Variants in FAM110B observed in about 807,000 individuals in gnomAD.
FAM110B encodes the protein family with sequence similarity 110 member B.
Under a neutral mutation model 20.4 loss-of-function variants are expected in FAM110B, and 6 were observed. That is an observed-to-expected ratio of 0.29 (90% confidence interval 0.16 to 0.58). The LOEUF (loss-of-function observed/expected upper bound fraction) is 0.58. Ranked by LOEUF, FAM110B falls within the 20% of genes least tolerant of loss-of-function variation. FAM110B has a pLI of 0.90. For missense variants in FAM110B, 434 were observed against 498.2 expected (o/e 0.87, Z 1.23); for synonymous variants, 226 against 214.1 (o/e 1.06, Z -0.49).
At chr8:58,097,272 CA>C (rs1806656467) in intron 3 of FAM110B, among the ~76,000 whole-genome samples, 1 of 152,166 alleles carries the variant, frequency 6.6e-6, no homozygotes, top group African/African-American at 2.4e-5. Flanking sequence ...ATCTTGTCTT[CA>C]CACTTTATTT....
At chr8:58,037,522 T>G (rs1805102289) in intron 2 of FAM110B, among the ~76,000 whole-genome samples, 1 of 151,804 alleles carries the variant, frequency 6.6e-6, no homozygotes, top group Non-Finnish European at 1.5e-5. Context: ...CCTATAACCC[T>G]AGCTACTCAG....
At chr8:58,051,131 T>C (rs1328059480) in intron 2 of FAM110B, among the ~76,000 whole-genome samples, 1 of 152,142 alleles carries the variant, frequency 6.6e-6, no homozygotes. Context: ...TTTCAGCCAA[T>C]CACTCCTGGG....
chr8:58,129,488 G>A (rs1176277753), intron 3 of FAM110B, among the ~76,000 whole-genome samples: 3 of 152,172 alleles, frequency 2.0e-5, no homozygotes, highest in African/African-American at 4.8e-5. Flanking sequence ...CACCCCCTTC[G>A]GGGCCCCTGT....
At chr8:58,102,172 AT>A (rs1354199314) in intron 3 of FAM110B, among the ~76,000 whole-genome samples, 3 of 152,224 alleles carry the variant, frequency 2.0e-5, no homozygotes, top group Non-Finnish European at 4.4e-5. Flanking sequence ...CAGACTGCAA[AT>A]AACTTTGGAA....
At chr8:58,137,835 T>C (rs1383187300) in intron 3 of FAM110B, among the ~76,000 whole-genome samples, 2 of 152,232 alleles carry the variant, frequency 1.3e-5, no homozygotes, top group African/African-American at 4.8e-5. Flanking sequence ...CTGTAGCCTT[T>C]TCAGTTCGTC....
intron 3 of FAM110B, among the ~76,000 whole-genome samples, chr8:58,129,183 GA>G (rs1396339478): frequency 6.6e-6 from 1 of 152,172 alleles, no homozygotes; most frequent in Non-Finnish European, 1.5e-5. Flanking sequence ...TAGGCTAATG[GA>G]AGGGAAACCA....
At position 58,128,902 on chromosome 8, in the gene FAM110B, T is replaced by C. The variant is rs1807579228; in HGVS notation, c.-324-17005T>C. Reference sequence around the variant, plus strand: ...TTTTCTTTTGTGGTCAGTTTTAGCCTGCTAAAAGGAATCATTGGCTCTTCA... The same window carrying C: ...TTTTCTTTTGTGGTCAGTTTTAGCCCGCTAAAAGGAATCATTGGCTCTTCA... On this transcript the variant is annotated intron_variant, in intron 3 of 3. Coordinates refer to ENST00000519262, the MANE Select transcript of FAM110B (RefSeq NM_001377989.1). 2.0e-5 allele frequency among the ~76,000 whole-genome samples: 3 copies of C among 152,204 alleles called. No individual in the cohort carries two copies. The South Asian group carries it at 6.2e-4, about 31-fold the overall frequency.
intron 3 of FAM110B, among the ~76,000 whole-genome samples, chr8:58,111,542 G>C (rs1219722185): frequency 6.6e-6 from 1 of 152,060 alleles, no homozygotes; most frequent in African/African-American, 2.4e-5. Flanking sequence ...ATCTACAGAA[G>C]GTGTTTATGT....
At chr8:58,053,832 G>A (rs1034792266) in intron 2 of FAM110B, among the ~76,000 whole-genome samples, 3 of 152,114 alleles carry the variant, frequency 2.0e-5, no homozygotes, top group Non-Finnish European at 4.4e-5. Flanking sequence ...TTGGTATACT[G>A]TATTATGTAT....
chr8:58,124,668 T>G (rs535685636), intron 3 of FAM110B, among the ~76,000 whole-genome samples: 1 of 152,334 alleles, frequency 6.6e-6, no homozygotes. Context: ...TCACTGATAC[T>G]AGAACTGACT....
At chr8:58,140,626 GACCATGTC>G (rs1803720031) in intron 3 of FAM110B, among the ~76,000 whole-genome samples, 2 of 152,182 alleles carry the variant, frequency 1.3e-5, no homozygotes, top group Middle Eastern at 3.2e-3. Flanking sequence ...ATACAAGTAT[GACCATGTC>G]ACCAATGCTC....
chr8:58,052,328 A>G (rs866951697), intron 2 of FAM110B, among the ~76,000 whole-genome samples: 86 of 152,326 alleles, frequency 5.6e-4, no homozygotes, highest in African/African-American at 2.0e-3. Context: ...GATGCAATGC[A>G]ATGACAGTAG....
At chr8:58,054,647 G>A (rs182126934) in intron 2 of FAM110B, among the ~76,000 whole-genome samples, 50 of 152,320 alleles carry the variant, frequency 3.3e-4, no homozygotes, top group African/African-American at 8.9e-4. Context: ...GAGAGTAGGT[G>A]GGAGCATAGT....
At chr8:58,114,960 G>T (rs1472597743) in intron 3 of FAM110B, among the ~76,000 whole-genome samples, 1 of 151,736 alleles carries the variant, frequency 6.6e-6, no homozygotes, top group Non-Finnish European at 1.5e-5. Flanking sequence ...CAGACCACTA[G>T]AATTCCCGAG....
In FAM110B at chr8:58,147,510, C is replaced by A. The variant is rs535665483; in HGVS notation, c.*167C>A. 7 of 819,818 alleles carry A rather than the reference C, an allele frequency of 8.5e-6. No individual in the cohort carries two copies. The South Asian group carries it at 1.1e-4, about 13-fold the overall frequency. The allele number at this position is 819,818 out of a possible 1,614,324, so 50.8% of individuals were successfully genotyped here. A position where few individuals can be genotyped will look rare whatever the true frequency, so the allele number is the denominator to read the frequency against. ...ATGGGGACTGACCTGGCTTCCACGT[C>A]ACCATCGCTACAGAGCCTGGCTGAA... On this transcript the variant is annotated 3_prime_UTR_variant, in exon 4 of 4. Transcript: ENST00000519262.
At chr8:58,140,599 C>T (rs1275153386) in intron 3 of FAM110B, among the ~76,000 whole-genome samples, 1 of 152,190 alleles carries the variant, frequency 6.6e-6, no homozygotes, top group African/African-American at 2.4e-5. Flanking sequence ...ATACTGCAGC[C>T]AGGGGAGTTT....
intron 3 of FAM110B, among the ~76,000 whole-genome samples, chr8:58,117,041 A>G (rs1227995333): frequency 6.6e-6 from 1 of 152,198 alleles, no homozygotes; most frequent in Non-Finnish European, 1.5e-5. Flanking sequence ...ATCTGACAGG[A>G]TGGCTGAAAG....
At chr8:58,062,871 G>C (rs1275323505) in intron 2 of FAM110B, among the ~76,000 whole-genome samples, 1 of 152,166 alleles carries the variant, frequency 6.6e-6, no homozygotes, top group Non-Finnish European at 1.5e-5. Flanking sequence ...TAAAATGAGA[G>C]AATTGTCCAA....
intron 3 of FAM110B, among the ~76,000 whole-genome samples, chr8:58,135,058 A>C (rs755667432): frequency 6.6e-6 from 1 of 152,214 alleles, no homozygotes; most frequent in Non-Finnish European, 1.5e-5. Flanking sequence ...ATATCTCTTT[A>C]ACAGCTGAAA....
Sources: allele counts gnomAD v4.1 joint callset (sites outside exome capture counted in the v4.1 genomes callset), GRCh38; gene constraint gnomAD v4.1.1; transcripts MANE v1.5; gene names NCBI Gene and HGNC (gene_info 2026-07-23, HGNC 2026-07-21).